The following SMIM31 variants were observed in gnomAD, a reference collection of about 807,000 sequenced individuals.
SMIM31 encodes the protein small integral membrane protein 31, also known as human epithelial cell program regulator.
In SMIM31 at chr4:164,801,252, A is replaced by G. The variant is rs190977114; in HGVS notation, c.*58A>G. ...ACAGAGGAAGCAATCCATGGGAACT[A>G]CTTATCCACAGTTACACAAGAGGAG... On this transcript the variant is annotated 3_prime_UTR_variant, in exon 3 of 3. Transcript: ENST00000507311. 7 of 398,706 alleles carry G rather than the reference A, an allele frequency of 1.8e-5. No individual in the cohort carries two copies. In the East Asian group the frequency reaches 2.5e-4, roughly 14 times the overall value. 24.7% of individuals were successfully genotyped at this position (398,706 alleles called of 1,614,324 possible).
At chr4:164,768,337 G>A (rs1732747953) in intron 1 of SMIM31, among the ~76,000 whole-genome samples, 1 of 147,940 alleles carries the variant, frequency 6.8e-6, no homozygotes, top group African/African-American at 2.5e-5. Context: ...AGCTGAGGCA[G>A]AGAACTGCTT....
intron 1 of SMIM31, among the ~76,000 whole-genome samples, chr4:164,756,579 A>G (rs906507483): frequency 6.8e-6 from 1 of 147,826 alleles, no homozygotes; most frequent in Non-Finnish European, 1.5e-5. Context: ...CTCAAAAAAA[A>G]AATAATAATA....
At chr4:164,762,662 C>CAAAAAAAAAAAAAAAAAAAAAAAAA (rs1162067333) in intron 1 of SMIM31, among the ~76,000 whole-genome samples, 5 of 100,082 alleles carry the variant, frequency 5.0e-5, no homozygotes, top group Non-Finnish European at 8.2e-5. Context: ...GACTCTGTCT[C>CAAAAAAAAAAAAAAAAAAAAAAAAA]AAAAAAAAAA....
At chr4:164,772,506 A>G (rs1732818605) in intron 2 of SMIM31, among the ~76,000 whole-genome samples, 1 of 152,222 alleles carries the variant, frequency 6.6e-6, no homozygotes, top group South Asian at 2.1e-4. Flanking sequence ...TCTTAAAACA[A>G]TCCCATGAGA....
intron 2 of SMIM31, among the ~76,000 whole-genome samples, chr4:164,798,435 G>C (rs1388552177): frequency 6.6e-6 from 1 of 151,602 alleles, no homozygotes; most frequent in Admixed American, 6.6e-5. Flanking sequence ...TAGAGACGGG[G>C]TTTCACCATG....
At chr4:164,760,407 G>C (rs1732630090) in intron 1 of SMIM31, among the ~76,000 whole-genome samples, 1 of 152,070 alleles carries the variant, frequency 6.6e-6, no homozygotes, top group Non-Finnish European at 1.5e-5. Context: ...TGCAATGGAA[G>C]TGGTGGGATT....
chr4:164,779,528 A>C lies in SMIM31; in HGVS notation c.112+8973A>C, dbSNP rs559970475. On this transcript the variant is annotated intron_variant, in intron 2 of 2. Coordinates refer to ENST00000507311, the MANE Select transcript of SMIM31 (RefSeq NM_001352885.1). ...ATTTTTCTGCAAATTTTTGTCATGG[A>C]AAAGTCAGCAATTTTTTTTTGCAAT... is the stretch of plus-strand genomic sequence containing the variant. Among the ~76,000 whole-genome samples, 461 of 59,124 alleles carry C rather than the reference A, an allele frequency of 7.8e-3. 6 individuals carry two copies. Among genetic ancestry groups the C allele is most frequent in the African/African-American group, 0.037 (417 of 11,348 alleles). 38.8% of individuals were successfully genotyped at this position (59,124 alleles called of 152,430 possible). A position where few individuals can be genotyped will look rare whatever the true frequency, so the allele number is the denominator to read the frequency against.
rs567613262 is a variant in SMIM31, at chr4:164,788,996, C to T, written c.113-12095C>T. Among the ~76,000 whole-genome samples the T allele has an allele frequency of 4.7e-4, 72 of 151,832 alleles. 2 individuals carry two copies. In the South Asian group the frequency reaches 0.014, roughly 29 times the overall value. On this transcript the variant is annotated intron_variant, in intron 2 of 2. Coordinates refer to ENST00000507311, the MANE Select transcript of SMIM31 (RefSeq NM_001352885.1). ...ATTGAGTTCTGAGACATTAATGGAA[C>T]TTTAGATTTAAAAAGCAATAAAAAC...
chr4:164,764,589 GA>G (rs777059865), intron 1 of SMIM31, among the ~76,000 whole-genome samples: 29 of 149,952 alleles, frequency 1.9e-4, no homozygotes, highest in Non-Finnish European at 3.1e-4. Flanking sequence ...GAAAAAAATA[GA>G]AAAAAATGTG....
At chr4:164,767,155 G>A (rs1732730699) in intron 1 of SMIM31, among the ~76,000 whole-genome samples, 1 of 152,158 alleles carries the variant, frequency 6.6e-6, no homozygotes, top group Admixed American at 6.5e-5. Flanking sequence ...AGTAGAAGAG[G>A]AGTGGATCTG....
intron 1 of SMIM31, among the ~76,000 whole-genome samples, chr4:164,767,432 T>C (rs1732734683): frequency 6.6e-6 from 1 of 152,224 alleles, no homozygotes; most frequent in Admixed American, 6.5e-5. Context: ...ATTTACCTAC[T>C]ATCTGTTACT....
chr4:164,772,585 A>ATTTTTT (rs755302201), intron 2 of SMIM31, among the ~76,000 whole-genome samples: 2 of 142,698 alleles, frequency 1.4e-5, no homozygotes, highest in Admixed American at 6.9e-5. Context: ...TTTTTATTTT[A>ATTTTTT]TTTTTTTTTT....
intron 2 of SMIM31, among the ~76,000 whole-genome samples, chr4:164,780,297 C>G (rs543775198): frequency 6.6e-6 from 1 of 152,136 alleles, no homozygotes; most frequent in Non-Finnish European, 1.5e-5. Flanking sequence ...CGTGGTGGCG[C>G]ATGCCTGTAG....
intron 2 of SMIM31, among the ~76,000 whole-genome samples, chr4:164,797,256 C>A (rs550066046): frequency 5.3e-5 from 8 of 152,044 alleles, no homozygotes; most frequent in African/African-American, 1.9e-4. Context: ...TGCTAACATG[C>A]CATACATTTT....
chr4:164,797,525 G>A (rs868594549), intron 2 of SMIM31, among the ~76,000 whole-genome samples: 34 of 149,834 alleles, frequency 2.3e-4, no homozygotes, highest in Admixed American at 1.3e-3. Context: ...ATGCAGTGGC[G>A]TGATCTTGGC....
chr4:164,786,268 A>G (rs565795386), intron 2 of SMIM31, among the ~76,000 whole-genome samples: 1 of 152,184 alleles, frequency 6.6e-6, no homozygotes, highest in Non-Finnish European at 1.5e-5. Context: ...TTGTGGCTCC[A>G]GTTTTATGTA....
intron 2 of SMIM31, among the ~76,000 whole-genome samples, chr4:164,787,667 T>C (rs1179562520): frequency 6.6e-6 from 1 of 152,160 alleles, no homozygotes; most frequent in East Asian, 1.9e-4. Flanking sequence ...ACTTGGATAA[T>C]GGAAATTCTA....
intron 2 of SMIM31, among the ~76,000 whole-genome samples, chr4:164,800,119 C>G (rs1277336200): frequency 6.6e-6 from 1 of 152,186 alleles, no homozygotes; most frequent in Non-Finnish European, 1.5e-5. Context: ...CAGCTCTTCA[C>G]TACTTCTCTT....
chr4:164,757,965 T>C (rs1054286853), intron 1 of SMIM31, among the ~76,000 whole-genome samples: 4 of 119,564 alleles, frequency 3.3e-5, no homozygotes, highest in Non-Finnish European at 5.3e-5. Context: ...ATTATGACTA[T>C]AATTGCCTTG....
Sources: allele counts gnomAD v4.1 joint callset (sites outside exome capture counted in the v4.1 genomes callset), GRCh38; gene constraint gnomAD v4.1.1; transcripts MANE v1.5; gene names NCBI Gene and HGNC (gene_info 2026-07-23, HGNC 2026-07-21).